RMND1: variants seen among roughly 807,000 people sequenced by gnomAD.
The protein encoded by RMND1 is required for meiotic nuclear division 1 homolog, also known as required for meiotic nuclear division protein 1 homolog.
RMND1 carries 41 observed loss-of-function variants against 54.0 expected under a neutral mutation model. The observed-to-expected ratio is 0.76, with a 90% CI of 0.59 to 0.98. The LOEUF (loss-of-function observed/expected upper bound fraction) is 0.98. RMND1 is among the 50% of genes least tolerant of loss of function. RMND1 has a pLI of 0.00. For missense variants in RMND1, 457 were observed against 532.0 expected (o/e 0.86, Z 1.39); for synonymous variants, 183 against 181.7 (o/e 1.01, Z -0.06).
chr6:151,423,240 C>A (rs1780204300), intron 7 of RMND1, among the ~76,000 whole-genome samples: 1 of 151,990 alleles, frequency 6.6e-6, no homozygotes, highest in Admixed American at 6.6e-5. Flanking sequence ...CTAAGAATAA[C>A]AATCGCATAG....
intron 4 of RMND1, 50 bp downstream of exon 4, chr6:151,433,105 T>G: frequency 8.5e-7 from 1 of 1,170,478 alleles, no homozygotes; most frequent in Non-Finnish European, 1.3e-6. Flanking sequence ...AGACCACAAT[T>G]ACTTGACCCA....
chr6:151,433,333 T>A (rs1358370137), intron 3 of RMND1, 103 bp from the exon 4 acceptor site: 1 of 680,882 alleles, frequency 1.5e-6, no homozygotes, highest in African/African-American at 1.8e-5. Context: ...CATTTCTTTA[T>A]ATACCATGGA....
At chr6:151,419,847 G>A (rs777987488) in intron 9 of RMND1, among the ~76,000 whole-genome samples, 9 of 152,032 alleles carry the variant, frequency 5.9e-5, no homozygotes. Flanking sequence ...TGTACTTCCA[G>A]ATCTTTCTGT....
chr6:151,405,543 ATTACTT>A (rs1397211270), intron 11 of RMND1, among the ~76,000 whole-genome samples, 171 bp downstream of exon 11: 3 of 152,232 alleles, frequency 2.0e-5, no homozygotes, highest in Admixed American at 6.5e-5. Context: ...CTTTTCAAGA[ATTACTT>A]TTAATGCATT....
At chr6:151,415,968 G>A (rs145271772) in intron 10 of RMND1, among the ~76,000 whole-genome samples, 20 of 150,788 alleles carry the variant, frequency 1.3e-4, no homozygotes, top group African/African-American at 4.4e-4. Context: ...TGATAAAACA[G>A]TTTTGTGTCT....
chr6:151,408,402 G>A (rs1779702867), intron 10 of RMND1, among the ~76,000 whole-genome samples: 1 of 152,100 alleles, frequency 6.6e-6, no homozygotes, highest in Admixed American at 6.5e-5. Flanking sequence ...TGAGGCAGGA[G>A]AATCACTTGA....
chr6:151,435,695 C>T (rs912201803), intron 3 of RMND1, among the ~76,000 whole-genome samples: 2 of 150,446 alleles, frequency 1.3e-5, no homozygotes, highest in African/African-American at 4.9e-5. Context: ...GCTGCAATTA[C>T]AGGCGTGAGC....
chr6:151,432,107 T>C (rs1780465236), intron 4 of RMND1, among the ~76,000 whole-genome samples: 1 of 152,076 alleles, frequency 6.6e-6, no homozygotes, highest in African/African-American at 2.4e-5. Flanking sequence ...CTGGCTAATT[T>C]TTTGTATTTT....
intron 5 of RMND1, among the ~76,000 whole-genome samples, chr6:151,429,542 C>T (rs141995233): frequency 7.2e-5 from 11 of 152,182 alleles, no homozygotes; most frequent in Admixed American, 3.3e-4. Context: ...GATGATTTAA[C>T]AAACTATTAT....
At chr6:151,413,420 C>A (rs778309304) in intron 10 of RMND1, among the ~76,000 whole-genome samples, 60 of 152,210 alleles carry the variant, frequency 3.9e-4, no homozygotes, top group Admixed American at 2.5e-3. Flanking sequence ...CCATGCCCGA[C>A]TAATTTATGG....
At chr6:151,421,088 A>G in intron 9 of RMND1, 157 bp downstream of exon 9, 1 of 595,144 alleles carries the variant, frequency 1.7e-6, no homozygotes, top group Non-Finnish European at 3.0e-6. Flanking sequence ...AACTACTTCT[A>G]ATGGGTAAGA....
At chr6:151,442,291 C>T (rs1780802375) in intron 2 of RMND1, among the ~76,000 whole-genome samples, 1 of 149,164 alleles carries the variant, frequency 6.7e-6, no homozygotes, top group African/African-American at 2.5e-5. Context: ...ACACCAATTG[C>T]CACAAAAGCT....
At chr6:151,427,439 A>T in intron 6 of RMND1, 43 bp downstream of exon 6, 1 of 1,201,550 alleles carries the variant, frequency 8.3e-7, no homozygotes, top group Non-Finnish European at 1.2e-6. Flanking sequence ...TACCTAATTT[A>T]TTCCAAGTGC....
intron 6 of RMND1, among the ~76,000 whole-genome samples, chr6:151,427,259 C>T (rs1248461480): frequency 6.6e-6 from 1 of 151,998 alleles, no homozygotes; most frequent in Non-Finnish European, 1.5e-5. Flanking sequence ...ACCTGTAGTC[C>T]CACTTACTCA....
chr6:151,445,554 A>G lies in RMND1; in HGVS notation c.258T>C (p.Ala86=), dbSNP rs1235407924. 1 of 1,614,246 alleles carries G rather than the reference A, an allele frequency of 6.2e-7. No individual in the cohort carries two copies. ...DTSMLSPLNA[A]RCQDEKAHLP... ...GGTGTGCCTTTTCATCTTGGCAACG[A>G]GCAGCATTTAATGGAGACAGCATGC... Residue 86 remains alanine (A), a synonymous_variant, in exon 2 of 12, where the codon GCT becomes GCC. Coordinates refer to ENST00000444024, the MANE Select transcript of RMND1 (RefSeq NM_017909.4).
intron 10 of RMND1, among the ~76,000 whole-genome samples, chr6:151,406,903 T>G (rs981474072): frequency 2.6e-5 from 4 of 152,090 alleles, no homozygotes; most frequent in Non-Finnish European, 5.9e-5. Flanking sequence ...CTTATGCCTG[T>G]AATCCTAGCA....
chr6:151,443,855 C>T (rs958342927), intron 2 of RMND1, among the ~76,000 whole-genome samples: 27 of 152,346 alleles, frequency 1.8e-4, no homozygotes, highest in African/African-American at 5.3e-4. Flanking sequence ...AGGAGGAGTT[C>T]CTCTTTTAAT....
intron 1 of RMND1, among the ~76,000 whole-genome samples, chr6:151,447,988 G>T (rs1252071597): frequency 1.3e-5 from 2 of 151,698 alleles, no homozygotes; most frequent in Admixed American, 1.3e-4. Flanking sequence ...TAATTTTTTT[G>T]TATTTTTAGT....
rs963640846 is a variant in RMND1, at chr6:151,422,619, T to A, written c.938-14A>T. 3 of 1,359,694 alleles carry A rather than the reference T, an allele frequency of 2.2e-6. No individual in the cohort carries two copies. In the African/African-American group the frequency reaches 4.4e-5, roughly 20 times the overall value. 84.2% of individuals were successfully genotyped at this position (1,359,694 alleles called of 1,614,324 possible). ...TTGCCAGTTTTACTGGGAAAAAAATTAATAATGGAACATTTCTTTATCATC... is the reference window on the plus strand; with the variant it reads ...TTGCCAGTTTTACTGGGAAAAAAATAAATAATGGAACATTTCTTTATCATC... On this transcript the variant is annotated splice_polypyrimidine_tract_variant and intron_variant, in intron 7 of 11. Coordinates refer to ENST00000444024, the MANE Select transcript of RMND1 (RefSeq NM_017909.4).
Sources: allele counts gnomAD v4.1 joint callset (sites outside exome capture counted in the v4.1 genomes callset), GRCh38; gene constraint gnomAD v4.1.1; transcripts MANE v1.5; gene names NCBI Gene and HGNC (gene_info 2026-07-23, HGNC 2026-07-21).